NEO1: variants seen among roughly 807,000 people sequenced by gnomAD.
NEO1 encodes neogenin.
Under a neutral mutation model 159.7 loss-of-function variants are expected in NEO1, and 63 were observed. That is an observed-to-expected ratio of 0.39 (90% CI 0.32 to 0.49). NEO1 has a LOEUF of 0.49. Ranked by LOEUF, NEO1 falls within the 20% of genes least tolerant of loss-of-function variation. The pLI, the probability that NEO1 is intolerant of heterozygous loss-of-function variation, is 0.85. For missense variants in NEO1, 1,615 were observed against 1,831.0 expected (o/e 0.88, Z 2.15); for synonymous variants, 633 against 662.0 (o/e 0.96, Z 0.67).
At chr15:73,186,975 AAC>A (rs1045269572) in intron 7 of NEO1, among the ~76,000 whole-genome samples, 14 of 152,344 alleles carry the variant, frequency 9.2e-5, no homozygotes, top group Middle Eastern at 6.8e-3. Context: ...ACTCTGGTCT[AAC>A]ACAGAAATAG....
chr15:73,247,994 A>G (rs1017955503), intron 9 of NEO1, among the ~76,000 whole-genome samples: 6 of 152,178 alleles, frequency 3.9e-5, no homozygotes, highest in African/African-American at 7.2e-5. Flanking sequence ...TTTTAGAATC[A>G]GCAAGTACTC....
chr15:73,073,637 C>T (rs190290017), intron 1 of NEO1, among the ~76,000 whole-genome samples: 1 of 152,196 alleles, frequency 6.6e-6, no homozygotes, highest in Admixed American at 6.5e-5. Context: ...AGAGAGAACT[C>T]TCCTTTAACG....
chr15:73,057,058 CACAT>C (rs2067742258), intron 1 of NEO1, among the ~76,000 whole-genome samples: 1 of 152,132 alleles, frequency 6.6e-6, no homozygotes. Context: ...TCTGCAACTT[CACAT>C]ACATCTGTAA....
At chr15:73,280,341 A>G (rs776829921) in intron 22 of NEO1, among the ~76,000 whole-genome samples, 1 of 152,038 alleles carries the variant, frequency 6.6e-6, no homozygotes, top group Non-Finnish European at 1.5e-5. Flanking sequence ...AAGAAATGGC[A>G]TATATATTGT....
chr15:73,112,716 C>T (rs4287530), intron 1 of NEO1, among the ~76,000 whole-genome samples: 17,780 of 152,094 alleles, frequency 0.12, 1,481 homozygotes, highest in African/African-American at 0.23. Flanking sequence ...ACTACCTGTT[C>T]GACCTTTGAC....
intron 7 of NEO1, among the ~76,000 whole-genome samples, chr15:73,228,218 G>A (rs980995997): frequency 6.6e-6 from 1 of 152,130 alleles, no homozygotes; most frequent in Non-Finnish European, 1.5e-5. Flanking sequence ...ATACAGATCT[G>A]TAGGCCACAT....
chr15:73,145,806 C>G (rs938193725), intron 5 of NEO1, among the ~76,000 whole-genome samples: 2 of 152,064 alleles, frequency 1.3e-5, no homozygotes, highest in Non-Finnish European at 2.9e-5. Flanking sequence ...CTCTTGAGGC[C>G]TTCTCCCTGT....
chr15:73,112,542 A>G (rs2071061625), intron 1 of NEO1, among the ~76,000 whole-genome samples: 1 of 152,106 alleles, frequency 6.6e-6, no homozygotes, highest in African/African-American at 2.4e-5. Flanking sequence ...TTTTCCTAAA[A>G]TTTCTTCTAA....
At chr15:73,248,320 C>G (rs530217858) in intron 9 of NEO1, among the ~76,000 whole-genome samples, 1 of 152,264 alleles carries the variant, frequency 6.6e-6, no homozygotes, top group East Asian at 1.9e-4. Flanking sequence ...CAGTAGTCAC[C>G]TAACACCTAC....
At chr15:73,180,078 A>G (rs1456775262) in intron 7 of NEO1, among the ~76,000 whole-genome samples, 3 of 152,134 alleles carry the variant, frequency 2.0e-5, no homozygotes, top group Non-Finnish European at 2.9e-5. Flanking sequence ...TTGTTTTAGC[A>G]ACTGAAACAT....
At chr15:73,178,976 CTTAGTATTTATT>C (rs1275443919) in intron 7 of NEO1, among the ~76,000 whole-genome samples, 2 of 152,142 alleles carry the variant, frequency 1.3e-5, no homozygotes, top group East Asian at 3.9e-4. Context: ...CTTAGAAAAA[CTTAGTATTTATT>C]TTGCATTGAA....
intron 1 of NEO1, among the ~76,000 whole-genome samples, chr15:73,115,258 G>A (rs1447607148): frequency 2.0e-5 from 3 of 152,140 alleles, no homozygotes; most frequent in Non-Finnish European, 4.4e-5. Flanking sequence ...GGCCAGGCTG[G>A]TCTCGAACTG....
At chr15:73,122,905 C>T (rs1379242453) in intron 3 of NEO1, 105 bp downstream of exon 3, 2 of 1,377,410 alleles carry the variant, frequency 1.5e-6, no homozygotes, top group African/African-American at 2.9e-5. Flanking sequence ...CGCAGTGGCT[C>T]ACACCTGTAA....
At chr15:73,144,112 T>C (rs917250748) in intron 5 of NEO1, among the ~76,000 whole-genome samples, 1 of 152,228 alleles carries the variant, frequency 6.6e-6, no homozygotes, top group African/African-American at 2.4e-5. Flanking sequence ...TTGCACTTTG[T>C]TTTTCATAGA....
chr15:73,249,845 A>T, intron 11 of NEO1, 124 bp downstream of exon 11: 2 of 1,124,718 alleles, frequency 1.8e-6, no homozygotes, highest in Non-Finnish European at 2.5e-6. Context: ...CTTTCTGGTA[A>T]TATGACTTTA....
chr15:73,208,937 T>G (rs2037393492), intron 7 of NEO1, among the ~76,000 whole-genome samples: 3 of 152,216 alleles, frequency 2.0e-5, no homozygotes, highest in Admixed American at 2.0e-4. Flanking sequence ...TGACAGCAGT[T>G]GTCAAGCATA....
At chr15:73,291,363 ATTC>A (rs1167047166) in intron 25 of NEO1, among the ~76,000 whole-genome samples, 2 of 152,136 alleles carry the variant, frequency 1.3e-5, no homozygotes, top group African/African-American at 4.8e-5. Flanking sequence ...AGTTGATATC[ATTC>A]TTCTTTTTTT....
intron 1 of NEO1, among the ~76,000 whole-genome samples, chr15:73,087,440 A>T (rs916362612): frequency 6.6e-6 from 1 of 152,144 alleles, no homozygotes; most frequent in Non-Finnish European, 1.5e-5. Flanking sequence ...ATCTTTGTTC[A>T]TGAGGAATAT....
At chr15:73,063,426 C>T (rs891552365) in intron 1 of NEO1, among the ~76,000 whole-genome samples, 1 of 151,364 alleles carries the variant, frequency 6.6e-6, no homozygotes, top group Admixed American at 6.6e-5. Context: ...GATGGAGAGG[C>T]TAGCTAAAAA....
Sources: gnomAD v4.1 joint callset for allele counts (sites outside exome capture counted in the v4.1 genomes callset) on GRCh38, gnomAD v4.1.1 for gene constraint, MANE v1.5 for transcripts, NCBI Gene and HGNC (gene_info 2026-07-23, HGNC 2026-07-21) for gene names.